The following CXorf38 variants were observed in gnomAD, a reference collection of about 807,000 sequenced individuals.
CXorf38 encodes uncharacterized protein CXorf38.
A neutral mutation model predicts 27.5 loss-of-function variants in CXorf38; 13 were observed. The ratio of observed to expected loss-of-function variants is 0.47; its 90% CI spans 0.31 to 0.75. The LOEUF is 0.75. Ranked by LOEUF, CXorf38 falls within the 30% of genes least tolerant of loss-of-function variation. The probability of loss-of-function intolerance (pLI) is 0.05; values close to 1 mark genes in which losing one functional copy is unlikely to be tolerated. For missense variants in CXorf38, 240 were observed against 253.2 expected (o/e 0.95, Z 0.35); for synonymous variants, 100 against 99.8 (o/e 1.00, Z -0.01).
At chrX:40,637,223 C>A in intron 3 of CXorf38, 67 bp from the exon 4 acceptor site, 4 of 810,069 alleles carry the variant, frequency 4.9e-6, no homozygotes, top group Non-Finnish European at 3.4e-6. Context: ...ATCTTTCACT[C>A]CAAAGAAAAA....
intron 3 of CXorf38, 119 bp downstream of exon 3, chrX:40,638,890 G>A: frequency 1.2e-6 from 1 of 827,564 alleles, no homozygotes. Flanking sequence ...CTGTTCCGGG[G>A]AGCTACTACG....
intron 2 of CXorf38, among the ~76,000 whole-genome samples, chrX:40,644,567 A>G (rs762320368): frequency 8.8e-6 from 1 of 113,050 alleles, no homozygotes; most frequent in Admixed American, 9.3e-5. Flanking sequence ...GACTATTTAC[A>G]TAGCACTTAC....
intron 5 of CXorf38, among the ~76,000 whole-genome samples, chrX:40,635,016 C>T (rs1036251208): frequency 9.8e-5 from 11 of 112,287 alleles, no homozygotes; most frequent in African/African-American, 3.6e-4. Flanking sequence ...GGGAGACCTG[C>T]GGGCCAGCCC....
chrX:40,634,367 C>G (rs1286615470), intron 5 of CXorf38, among the ~76,000 whole-genome samples: 3 of 111,891 alleles, frequency 2.7e-5, no homozygotes, highest in Admixed American at 9.5e-5. Flanking sequence ...CACTGCACCT[C>G]GCCTTCACCC....
At chrX:40,645,214 A>AG (rs1021775545) in intron 2 of CXorf38, among the ~76,000 whole-genome samples, 3 of 111,196 alleles carry the variant, frequency 2.7e-5, no homozygotes, top group African/African-American at 9.8e-5. Flanking sequence ...GCAGGATGTT[A>AG]GACACTGAGA....
chrX:40,647,232 G>T, intron 1 of CXorf38, 73 bp downstream of exon 1: 1 of 1,146,664 alleles, frequency 8.7e-7, no homozygotes. Flanking sequence ...TTGCGCTCTG[G>T]GTCTGGGACA....
chrX:40,629,475 G>A lies in CXorf38; in HGVS notation c.*689C>T. ...AATAGGACTTGCCTGCCAGTGGGTG[G>A]AGCACTCCAGGTGAGCCTCTGGCAC... is the stretch of plus-strand genomic sequence containing the variant. On this transcript the variant is annotated 3_prime_UTR_variant, in exon 7 of 7. Coordinates refer to ENST00000327877, the MANE Select transcript of CXorf38 (RefSeq NM_144970.3). The A allele has an allele frequency of 8.9e-6, 1 of 112,548 alleles. No homozygotes were observed. The highest frequency in any genetic ancestry group is 1.9e-5 in the Non-Finnish European group (1 of 53,320). 9.3% of individuals were successfully genotyped at this position (112,548 alleles called of 1,213,427 possible).
rs1175770270 is a variant in CXorf38 at position 40,628,188 on chromosome X, C to T, written c.*1976G>A. On this transcript the variant is annotated 3_prime_UTR_variant, in exon 7 of 7. Transcript: ENST00000327877. ...ATGTAAGACTAAAGACTAAATACTA[C>T]CTGGACAGATTAAAGGAGGAAGTTA... 8.9e-6 allele frequency: 1 copy of T among 112,091 alleles called. No homozygotes were observed. The highest frequency in any genetic ancestry group is 3.3e-5 in the African/African-American group (1 of 30,759). 9.2% of individuals were successfully genotyped at this position (112,091 alleles called of 1,213,427 possible).
At position 40,647,364 on chromosome X, in the gene CXorf38, C is replaced by T; in HGVS notation, c.157G>A (p.Gly53Ser). The T allele has an allele frequency of 8.7e-7, 1 of 1,154,687 alleles. No individual in the cohort carries two copies. Among genetic ancestry groups the T allele is most frequent in the Non-Finnish European group, 1.1e-6 (1 of 872,439 alleles). The change falls in exon 1 of 7, where the codon GGC becomes AGC. Residue 53 changes from glycine (G) to serine (S), a missense_variant. Transcript: ENST00000327877. ...FHRGLLAAAPGLGPRAVCRGG... is the reference protein window; with the variant it reads ...FHRGLLAAAPSLGPRAVCRGG... ...CGGCAGACGGCGCGGGGCCCCAGGC[C>T]GGGGGCTGCGGCGAGTAGGCCGCGG...
chrX:40,639,280 T>C (rs1928213432), intron 2 of CXorf38, 152 bp from the exon 3 acceptor site: 2 of 535,127 alleles, frequency 3.7e-6, no homozygotes, highest in Non-Finnish European at 5.9e-6. Context: ...AAAATGCAAG[T>C]AGGGAAACTG....
At chrX:40,636,077 C>T (rs1237656926) in intron 5 of CXorf38, among the ~76,000 whole-genome samples, 1 of 112,905 alleles carries the variant, frequency 8.9e-6, no homozygotes, top group Non-Finnish European at 1.9e-5. Flanking sequence ...GTGTGCTCAC[C>T]TGTTCTTGCC....
intron 5 of CXorf38, among the ~76,000 whole-genome samples, chrX:40,632,425 T>G (rs1009103789): frequency 1.8e-5 from 2 of 112,165 alleles, no homozygotes; most frequent in African/African-American, 6.5e-5. Context: ...ATTGCCTTTC[T>G]TTCCCATTAT....
rs956786395 is a variant in CXorf38, at chrX:40,647,086, T to G, written c.272A>C (p.His91Pro). ...GTGCACATCTCCATTTCTGTTGACA[T>G]GATGTCTCAAAATCTCCCTTTTCCA... is the stretch of plus-strand genomic sequence containing the variant. Reference protein sequence around the residue: ...AEWKREILRHHVNRNGDVHWG... With the variant: ...AEWKREILRHPVNRNGDVHWG... Residue 91 changes from histidine (H) to proline (P), a missense_variant, in exon 2 of 7, where the codon CAT becomes CCT. Physicochemically the swap from His to Pro is moderately conservative, Grantham distance 77 (BLOSUM62 -2). Coordinates refer to ENST00000327877, the MANE Select transcript of CXorf38 (RefSeq NM_144970.3). 1 of 1,211,982 alleles carries G rather than the reference T, an allele frequency of 8.3e-7. No individual in the cohort carries two copies. The highest frequency in any genetic ancestry group is 3.0e-5 in the East Asian group (1 of 33,813).
chrX:40,632,086 C>T (rs761044233), intron 5 of CXorf38, among the ~76,000 whole-genome samples: 4 of 111,933 alleles, frequency 3.6e-5, no homozygotes, highest in South Asian at 3.7e-4. Context: ...TCACAGCAAG[C>T]GTTAGGAACT....
chrX:40,631,208 CAT>C (rs201910678), intron 5 of CXorf38, among the ~76,000 whole-genome samples: 30 of 99,140 alleles, frequency 3.0e-4, no homozygotes, highest in African/African-American at 7.9e-4. Context: ...TACGTGTGTA[CAT>C]ATATATATAC....
intron 2 of CXorf38, among the ~76,000 whole-genome samples, chrX:40,640,566 C>G: frequency 2.5e-5 from 1 of 39,446 alleles, no homozygotes; most frequent in East Asian, 9.8e-4. Context: ...TTTGTAAACC[C>G]TGGCTGGCCC....
At chrX:40,641,809 T>C (rs1928334745) in intron 2 of CXorf38, among the ~76,000 whole-genome samples, 1 of 112,455 alleles carries the variant, frequency 8.9e-6, no homozygotes, top group Admixed American at 9.4e-5. Context: ...CATACCACCG[T>C]GTTCCACATG....
At position 40,643,120 on chromosome X, in the gene CXorf38, G is replaced by A. The variant is rs1163458767; in HGVS notation, c.351+3887C>T. 5.4e-5 allele frequency among the ~76,000 whole-genome samples: 6 copies of A among 110,407 alleles called. No individual in the cohort carries two copies. In the East Asian group the frequency reaches 1.7e-3, roughly 31 times the overall value. On this transcript the variant is annotated intron_variant, in intron 2 of 6. Coordinates refer to ENST00000327877, the MANE Select transcript of CXorf38 (RefSeq NM_144970.3). ...ATTTTTTTGTGGAGACAGTTATGGG[G>A]TTTCGCCATGTTGCCCAGGCTGGTC...
At position 40,628,896 on chromosome X, in the gene CXorf38, T is replaced by G. The variant is rs1927645355; in HGVS notation, c.*1268A>C. 1 of 111,373 alleles carries G rather than the reference T, an allele frequency of 9.0e-6. No individual in the cohort carries two copies. The highest frequency in any genetic ancestry group is 1.9e-5 in the Non-Finnish European group (1 of 53,152). 9.2% of individuals were successfully genotyped at this position (111,373 alleles called of 1,213,427 possible). On this transcript the variant is annotated 3_prime_UTR_variant, in exon 7 of 7. Coordinates refer to ENST00000327877, the MANE Select transcript of CXorf38 (RefSeq NM_144970.3). ...GACATCCCCGCTTGTAATGCTGGCC[T>G]GGGTCCTGCCTGTCCACTGGTCACT...
Sources: allele counts gnomAD v4.1 joint callset (sites outside exome capture counted in the v4.1 genomes callset), GRCh38; gene constraint gnomAD v4.1.1; transcripts MANE v1.5; gene names NCBI Gene and HGNC (gene_info 2026-07-23, HGNC 2026-07-21).